B3GALT1: variants seen among roughly 807,000 people sequenced by gnomAD.
The protein encoded by B3GALT1 is UDP-Gal:betaGlcNAc beta 1,3-galactosyltransferase, polypeptide 1.
A neutral mutation model predicts 23.2 loss-of-function variants in B3GALT1; 10 were observed. The observed-to-expected ratio is 0.43, with a 90% confidence interval of 0.27 to 0.73. The LOEUF (loss-of-function observed/expected upper bound fraction) is 0.73, where lower values mean the gene tolerates loss of function less well. Among genes scored for constraint, B3GALT1 ranks in the 30% least tolerant of loss-of-function variants. The probability of loss-of-function intolerance (pLI) is 0.21; values close to 1 mark genes in which losing one functional copy is unlikely to be tolerated. For missense variants in B3GALT1, 299 were observed against 405.4 expected, an observed-to-expected ratio of 0.74 and a Z score of 2.25; for synonymous variants, 156 against 141.5, an observed-to-expected ratio of 1.10 and a Z score of -0.73.
intron 2 of B3GALT1, among the ~76,000 whole-genome samples, chr2:167,576,350 A>G (rs952653534): frequency 1.3e-5 from 2 of 151,712 alleles, no homozygotes; most frequent in African/African-American, 2.4e-5. Context: ...TGTCTCTCCA[A>G]TTAGAATAGT....
In B3GALT1 at chr2:167,681,445, C is replaced by T. The variant is rs564176955; in HGVS notation, c.-352+34479C>T. Among the ~76,000 whole-genome samples, 7 of 152,312 alleles carry T rather than the reference C, an allele frequency of 4.6e-5. No individual in the cohort carries two copies. In the South Asian group the frequency reaches 1.2e-3, roughly 27 times the overall value. On this transcript the variant is annotated intron_variant, in intron 3 of 4. Coordinates refer to ENST00000392690, the MANE Select transcript of B3GALT1 (RefSeq NM_020981.4). ...ACCAGGCAAAACATCTGGAAGCCAT[C>T]TGCTAGAGTTCATGCAGGGAATCTC...
chr2:167,705,200 C>T (rs761501452), intron 3 of B3GALT1, among the ~76,000 whole-genome samples: 10 of 152,128 alleles, frequency 6.6e-5, no homozygotes, highest in African/African-American at 1.4e-4. Flanking sequence ...ACCCAGTCAA[C>T]GTATACTTGT....
At chr2:167,645,773 G>A (rs994425076) in intron 2 of B3GALT1, among the ~76,000 whole-genome samples, 15 of 151,828 alleles carry the variant, frequency 9.9e-5, no homozygotes, top group Non-Finnish European at 1.9e-4. Context: ...GTTTCACCAC[G>A]TTGGTCAGGC....
chr2:167,704,735 A>G (rs1686943782), intron 3 of B3GALT1, among the ~76,000 whole-genome samples: 1 of 152,218 alleles, frequency 6.6e-6, no homozygotes, highest in Non-Finnish European at 1.5e-5. Flanking sequence ...AGAAAATGTC[A>G]TCAAATTGAT....
Position 167,710,563 on chromosome 2 carries a change from C to G in B3GALT1, c.-352+63597C>G, listed in dbSNP as rs1198860688. 1.3e-5 allele frequency among the ~76,000 whole-genome samples: 2 copies of G among 152,072 alleles called. 1 individual carries two copies. Among genetic ancestry groups the G allele is most frequent in the Middle Eastern group, 6.3e-3 (2 of 316 alleles). On this transcript the variant is annotated intron_variant, in intron 3 of 4. Coordinates refer to ENST00000392690, the MANE Select transcript of B3GALT1 (RefSeq NM_020981.4). ...CAAAGCATTGTCTGCAGGTCCTCCT[C>G]GATGTATGAGAGACCAACCTCCTAG...
intron 3 of B3GALT1, among the ~76,000 whole-genome samples, chr2:167,767,400 T>C (rs1445713854): frequency 5.9e-5 from 9 of 152,214 alleles, no homozygotes; most frequent in Non-Finnish European, 5.9e-5. Context: ...ATTTCACCAT[T>C]CTTTCACCCA....
At position 167,774,472 on chromosome 2, in the gene B3GALT1, G is replaced by GTTTTTTTTGTTTGTTTTTTTTTTT. The variant is rs1558974686; in HGVS notation, c.-351-44192_-351-44191insGTTTGTTTTTTTTTTTTTTTTTTT. Reference sequence around the variant, plus strand: ...TTCTGTAGTTTTTCTGTGTTTATTGGTTTTTTTTTTTTGTTTTTTTTTTTG... The same window carrying GTTTTTTTTGTTTGTTTTTTTTTTT: ...TTCTGTAGTTTTTCTGTGTTTATTGGTTTTTTTTGTTTGTTTTTTTTTTTTTTTTTTTTTTTGTTTTTTTTTTTG... On this transcript the variant is annotated intron_variant, in intron 3 of 4. Coordinates refer to ENST00000392690, the MANE Select transcript of B3GALT1 (RefSeq NM_020981.4). Among the ~76,000 whole-genome samples the GTTTTTTTTGTTTGTTTTTTTTTTT allele has an allele frequency of 7.1e-5, 8 of 111,958 alleles. 1 individual carries two copies. Among genetic ancestry groups the GTTTTTTTTGTTTGTTTTTTTTTTT allele is most frequent in the Admixed American group, 1.9e-4 (2 of 10,694 alleles). The allele number at this position is 111,958 out of a possible 152,430, so 73.4% of individuals were successfully genotyped here. A position where few individuals can be genotyped will look rare whatever the true frequency, so the allele number is the denominator to read the frequency against.
At chr2:167,843,596 A>G (rs905007470) in intron 4 of B3GALT1, among the ~76,000 whole-genome samples, 3 of 152,202 alleles carry the variant, frequency 2.0e-5, no homozygotes, top group Non-Finnish European at 2.9e-5. Flanking sequence ...CTCTGAGATA[A>G]ATAACCAGGA....
chr2:167,740,574 A>G (rs566638465), intron 3 of B3GALT1, among the ~76,000 whole-genome samples: 3 of 152,338 alleles, frequency 2.0e-5, no homozygotes, highest in Admixed American at 2.0e-4. Context: ...TGGCAAATGC[A>G]TTATAGGAAT....
intron 2 of B3GALT1, among the ~76,000 whole-genome samples, chr2:167,532,722 T>G (rs984209507): frequency 3.3e-5 from 5 of 150,366 alleles, no homozygotes; most frequent in African/African-American, 7.5e-5. Context: ...ATTTTTAGGT[T>G]TTTTTTAATT....
intron 1 of B3GALT1, among the ~76,000 whole-genome samples, chr2:167,377,594 T>G (rs1156650022): frequency 6.6e-6 from 1 of 152,160 alleles, no homozygotes; most frequent in Non-Finnish European, 1.5e-5. Flanking sequence ...TTCTTTGTCC[T>G]TTTTTACTTT....
At chr2:167,837,497 C>G (rs1163308815) in intron 4 of B3GALT1, among the ~76,000 whole-genome samples, 1 of 151,364 alleles carries the variant, frequency 6.6e-6, no homozygotes, top group Non-Finnish European at 1.5e-5. Flanking sequence ...TATATATGCA[C>G]CCAATACAGG....
At chr2:167,861,224 A>T (rs2105431360) in intron 4 of B3GALT1, among the ~76,000 whole-genome samples, 1 of 152,336 alleles carries the variant, frequency 6.6e-6, no homozygotes, top group Middle Eastern at 3.4e-3. Flanking sequence ...ACCAGGCAGC[A>T]CATTTAAGTT....
intron 3 of B3GALT1, among the ~76,000 whole-genome samples, chr2:167,722,558 A>G (rs1310242015): frequency 6.6e-6 from 1 of 152,202 alleles, no homozygotes; most frequent in Non-Finnish European, 1.5e-5. Flanking sequence ...TTATAATCAT[A>G]CAGAGTTCAT....
At chr2:167,694,009 C>A (rs532449140) in intron 3 of B3GALT1, among the ~76,000 whole-genome samples, 1 of 152,170 alleles carries the variant, frequency 6.6e-6, no homozygotes, top group African/African-American at 2.4e-5. Context: ...TGGGACTGGA[C>A]CATCAAAGAT....
In B3GALT1 at chr2:167,434,115, A is replaced by G. The variant is rs543957387; in HGVS notation, c.-510-56062A>G. Among the ~76,000 whole-genome samples the G allele has an allele frequency of 7.2e-5, 11 of 152,370 alleles. No individual in the cohort carries two copies. In the East Asian group the frequency reaches 7.7e-4, roughly 11 times the overall value. ...TATAATTTGGCACATCACAAAATTTATAAAATTAATTTTAAAAGACCAAGA... is the reference window on the plus strand; with the variant it reads ...TATAATTTGGCACATCACAAAATTTGTAAAATTAATTTTAAAAGACCAAGA... On this transcript the variant is annotated intron_variant, in intron 1 of 4. Transcript: ENST00000392690.
At chr2:167,835,264 G>A (rs796441312) in intron 4 of B3GALT1, among the ~76,000 whole-genome samples, 62 of 152,326 alleles carry the variant, frequency 4.1e-4, no homozygotes, top group African/African-American at 1.4e-3. Context: ...GGGTCAGGGA[G>A]TTCCCTTTCC....
rs182199955 is a variant in B3GALT1, at chr2:167,848,416, T to G, written c.-229-20395T>G. Among the ~76,000 whole-genome samples the G allele has an allele frequency of 3.7e-3, 569 of 152,286 alleles. 3 individuals carry two copies. The highest frequency in any genetic ancestry group is 8.4e-3 in the Admixed American group (129 of 15,296). ...CGCCATGATCAAGTGGGTTTCATAC[T>G]GGGGATGCAGGAATGGTTTAACATA... On this transcript the variant is annotated intron_variant, in intron 4 of 4. Coordinates refer to ENST00000392690, the MANE Select transcript of B3GALT1 (RefSeq NM_020981.4).
chr2:167,828,977 CTG>C (rs1689286093), intron 4 of B3GALT1, among the ~76,000 whole-genome samples: 1 of 152,186 alleles, frequency 6.6e-6, no homozygotes, highest in Admixed American at 6.5e-5. Flanking sequence ...CTGCCACAAT[CTG>C]TGTACTATAA....
Sources: gnomAD v4.1 joint callset for allele counts (sites outside exome capture counted in the v4.1 genomes callset) on GRCh38, gnomAD v4.1.1 for gene constraint, MANE v1.5 for transcripts, NCBI Gene and HGNC (gene_info 2026-07-23, HGNC 2026-07-21) for gene names.